The following TYW1 variants were observed in gnomAD, a reference collection of about 807,000 sequenced individuals.
TYW1 encodes the protein tRNA-yW synthesizing protein 1 homolog.
Under a neutral mutation model 96.2 loss-of-function variants are expected in TYW1, and 46 were observed. The observed-to-expected ratio is 0.48, with a 90% CI of 0.38 to 0.61. The LOEUF (loss-of-function observed/expected upper bound fraction) is 0.61. Among genes scored for constraint, TYW1 ranks in the 20% least tolerant of loss-of-function variants. The pLI is 0.00. For missense variants in TYW1, 684 were observed against 909.6 expected (o/e 0.75, Z 3.19); for synonymous variants, 274 against 323.0 (o/e 0.85, Z 1.63).
intron 15 of TYW1, among the ~76,000 whole-genome samples, chr7:67,215,845 T>A (rs1477085179): frequency 2.6e-5 from 4 of 152,134 alleles, no homozygotes; most frequent in Non-Finnish European, 5.9e-5. Flanking sequence ...GGCCCGTCTC[T>A]CCTTTTCATG....
intron 12 of TYW1, among the ~76,000 whole-genome samples, chr7:67,105,084 G>T (rs34397684): frequency 1.3e-5 from 2 of 152,220 alleles, no homozygotes; most frequent in East Asian, 1.9e-4. Flanking sequence ...AGAGCAGCGA[G>T]GGGGGCAAGC....
chr7:67,072,734 G>A (rs1256463979), intron 10 of TYW1, among the ~76,000 whole-genome samples: 11 of 152,106 alleles, frequency 7.2e-5, no homozygotes, highest in African/African-American at 2.2e-4. Flanking sequence ...GACAGATCAT[G>A]TAAAATGTAA....
intron 11 of TYW1, chr7:67,089,357 C>T: frequency 1.6e-6 from 2 of 1,245,904 alleles, no homozygotes; most frequent in Non-Finnish European, 2.3e-6. Context: ...TGTCCATTCC[C>T]AAGGCTTAGG....
At chr7:67,056,504 A>C (rs979375283) in intron 9 of TYW1, among the ~76,000 whole-genome samples, 1 of 152,098 alleles carries the variant, frequency 6.6e-6, no homozygotes, top group Admixed American at 6.6e-5. Flanking sequence ...AAAAAAAAAA[A>C]AAAAAGAATT....
chr7:67,047,680 A>G (rs2129260331), intron 7 of TYW1, among the ~76,000 whole-genome samples: 2 of 150,224 alleles, frequency 1.3e-5, no homozygotes, highest in South Asian at 4.2e-4. Flanking sequence ...TTGATTCTCT[A>G]AAGTACTTTT....
chr7:67,166,912 T>G (rs971970705), intron 13 of TYW1, among the ~76,000 whole-genome samples: 4 of 152,216 alleles, frequency 2.6e-5, no homozygotes, highest in Non-Finnish European at 4.4e-5. Flanking sequence ...TTGGGTGTTC[T>G]GCATTCAGTC....
chr7:67,123,497 A>G (rs147504594), intron 13 of TYW1, among the ~76,000 whole-genome samples: 118 of 152,314 alleles, frequency 7.7e-4, no homozygotes, highest in African/African-American at 2.7e-3. Flanking sequence ...ATGTAAGTGT[A>G]TTGCATCTTA....
chr7:67,077,005 C>T (rs1206823826), intron 10 of TYW1, among the ~76,000 whole-genome samples: 1 of 152,080 alleles, frequency 6.6e-6, no homozygotes. Flanking sequence ...AACTCCTGAC[C>T]TCAAGTGATC....
chr7:67,175,099 C>T (rs1054259365), intron 13 of TYW1, among the ~76,000 whole-genome samples: 1 of 151,844 alleles, frequency 6.6e-6, no homozygotes, highest in Non-Finnish European at 1.5e-5. Context: ...ATCAGGAGAA[C>T]TAACACCAAC....
chr7:67,067,161 GCAGTTA>G (rs1795891940), intron 9 of TYW1, 118 bp from the exon 10 acceptor site: 1 of 1,117,892 alleles, frequency 8.9e-7, no homozygotes, highest in Admixed American at 1.9e-5. Flanking sequence ...CCTGCGTCAT[GCAGTTA>G]CCAGTAGGAG....
At chr7:67,224,336 A>C (rs1801488742) in intron 15 of TYW1, among the ~76,000 whole-genome samples, 1 of 152,252 alleles carries the variant, frequency 6.6e-6, no homozygotes. Flanking sequence ...CATGTTGGTC[A>C]GGCCGGTCTT....
At chr7:67,208,689 C>CA (rs10623787) in intron 15 of TYW1, among the ~76,000 whole-genome samples, 15,646 of 75,580 alleles carry the variant, frequency 0.21, 1,327 homozygotes, top group Middle Eastern at 0.28. Flanking sequence ...GACGCTGTCT[C>CA]AAAAAAAAAA....
At chr7:67,028,083 A>G (rs1794516582) in intron 7 of TYW1, among the ~76,000 whole-genome samples, 1 of 149,970 alleles carries the variant, frequency 6.7e-6, no homozygotes, top group Non-Finnish European at 1.5e-5. Context: ...AAAAAATACA[A>G]AAAAAATAAG....
At chr7:67,055,712 A>C in intron 8 of TYW1, 123 bp from the exon 9 acceptor site, 2 of 582,524 alleles carry the variant, frequency 3.4e-6, no homozygotes, top group Non-Finnish European at 6.1e-6. Context: ...GTTTCCTGCC[A>C]TGGGTTGGTT....
chr7:67,230,483 C>G (rs1801717770), intron 15 of TYW1, among the ~76,000 whole-genome samples: 1 of 151,934 alleles, frequency 6.6e-6, no homozygotes. Context: ...AGCAGCAGTT[C>G]CTTGTACCCT....
intron 15 of TYW1, among the ~76,000 whole-genome samples, chr7:67,221,662 C>A (rs1473098958): frequency 1.3e-5 from 2 of 152,122 alleles, no homozygotes; most frequent in African/African-American, 4.8e-5. Context: ...TGTAGCTATT[C>A]TCCTTGTGCT....
intron 13 of TYW1, among the ~76,000 whole-genome samples, chr7:67,124,868 C>G (rs1257698355): frequency 6.6e-6 from 1 of 151,584 alleles, no homozygotes; most frequent in Non-Finnish European, 1.5e-5. Context: ...GAGTTTTGCT[C>G]TTGTTGCCCA....
At chr7:67,071,770 G>A (rs1478222469) in intron 10 of TYW1, among the ~76,000 whole-genome samples, 5 of 152,012 alleles carry the variant, frequency 3.3e-5, no homozygotes, top group African/African-American at 9.7e-5. Context: ...GCAGGCGCCC[G>A]CCACCACACC....
chr7:67,099,832 A>C (rs1797033290), intron 12 of TYW1, among the ~76,000 whole-genome samples: 1 of 152,122 alleles, frequency 6.6e-6, no homozygotes, highest in Non-Finnish European at 1.5e-5. Context: ...GGGAAACCCC[A>C]TCTCTACTAA....
Sources: gnomAD v4.1 joint callset for allele counts (sites outside exome capture counted in the v4.1 genomes callset) on GRCh38, gnomAD v4.1.1 for gene constraint, MANE v1.5 for transcripts, NCBI Gene and HGNC (gene_info 2026-07-23, HGNC 2026-07-21) for gene names.